HTT: variants seen among roughly 807,000 people sequenced by gnomAD.
HTT encodes the protein huntington disease protein.
Under a neutral mutation model 362.3 loss-of-function variants are expected in HTT, and 104 were observed. That is an observed-to-expected ratio of 0.29 (90% CI 0.24 to 0.34). The LOEUF is 0.34. Ranked by LOEUF, HTT falls within the 10% of genes least tolerant of loss-of-function variation. The pLI is 1.00. For missense variants in HTT, 3,301 were observed against 3,928.6 expected, an observed-to-expected ratio of 0.84 and a Z score of 4.27; for synonymous variants, 1,577 against 1,548.7, an observed-to-expected ratio of 1.02 and a Z score of -0.43.
intron 6 of HTT, among the ~76,000 whole-genome samples, chr4:3,109,639 A>C (rs1714633181): frequency 6.6e-6 from 1 of 152,166 alleles, no homozygotes; most frequent in African/African-American, 2.4e-5. Flanking sequence ...ATTATGCCTA[A>C]GTAAATAGTC....
intron 2 of HTT, among the ~76,000 whole-genome samples, chr4:3,098,015 T>C (rs1243103912): frequency 3.9e-5 from 6 of 152,246 alleles, no homozygotes; most frequent in Admixed American, 2.0e-4. Context: ...AATAATACTT[T>C]GGGTGTATTG....
chr4:3,209,306 C>T (rs964557551), intron 46 of HTT, among the ~76,000 whole-genome samples: 7 of 152,324 alleles, frequency 4.6e-5, no homozygotes, highest in African/African-American at 1.7e-4. Flanking sequence ...ACCTCCACTG[C>T]TCATACCTCA....
rs985361137 is a variant in HTT, at chr4:3,241,654, C to G, written c.*1595C>G. 3 of 152,272 alleles carry G rather than the reference C, an allele frequency of 2.0e-5. No individual in the cohort carries two copies. Among genetic ancestry groups the G allele is most frequent in the Non-Finnish European group, 4.4e-5 (3 of 68,080 alleles). The allele number at this position is 152,272 out of a possible 1,614,324, so 9.4% of individuals were successfully genotyped here. On this transcript the variant is annotated 3_prime_UTR_variant, in exon 67 of 67. Coordinates refer to ENST00000355072, the MANE Select transcript of HTT (RefSeq NM_001388492.1). ...TGTTGGAACTCTGTGCAGGTGCTGC[C>G]TTGAGACCCCCAAGCTTCCACCTGT...
At position 3,115,056 on chromosome 4, in the gene HTT, G is replaced by A. The variant is rs574369704; in HGVS notation, c.748-248G>A. Among the ~76,000 whole-genome samples, 10 of 152,200 alleles carry A rather than the reference G, an allele frequency of 6.6e-5. No homozygotes were observed. The South Asian group carries it at 1.7e-3, about 25-fold the overall frequency. On this transcript the variant is annotated intron_variant, in intron 6 of 66. Coordinates refer to ENST00000355072, the MANE Select transcript of HTT (RefSeq NM_001388492.1). ...CTAGAATTGAGGCCTCCACCATTGC[G>A]GAGAGGACATGGATGCTGAGCAGTC...
At position 3,094,297 on chromosome 4, in the gene HTT, A is replaced by G. The variant is rs111276607; in HGVS notation, c.348-4977A>G. ...TTTTTCTTAGTACAGAACAAAATGG[A>G]GTGTCCTATGTCTACTTCTTTCTAC... On this transcript the variant is annotated intron_variant, in intron 2 of 66. Coordinates refer to ENST00000355072, the MANE Select transcript of HTT (RefSeq NM_001388492.1). Among the ~76,000 whole-genome samples the G allele has an allele frequency of 5.3e-4, 80 of 152,318 alleles. 2 individuals carry two copies. Among genetic ancestry groups the G allele is most frequent in the Middle Eastern group, 3.4e-3 (1 of 294 alleles).
In HTT at chr4:3,217,960, T is replaced by A; in HGVS notation, c.7242+8T>A. The stretch of plus-strand genomic sequence containing the variant: ...ACACGTGTGCCCCCACTGGTGAGTC[T>A]GCTCGTTCCTTGCAGAAGACCAAGT... On this transcript the variant is annotated splice_region_variant and intron_variant, in intron 52 of 66. Transcript: ENST00000355072. 1 of 1,597,818 alleles carries A rather than the reference T, an allele frequency of 6.3e-7. No homozygotes were observed. The highest frequency in any genetic ancestry group is 8.5e-7 in the Non-Finnish European group (1 of 1,172,384).
intron 41 of HTT, among the ~76,000 whole-genome samples, chr4:3,203,688 A>G (rs1381539789): frequency 5.3e-5 from 8 of 152,248 alleles, no homozygotes; most frequent in Non-Finnish European, 7.3e-5. Flanking sequence ...TTGCTCAATT[A>G]TCAAACATAG....
chr4:3,216,413 G>A (rs1339800616), intron 51 of HTT, among the ~76,000 whole-genome samples: 10 of 152,226 alleles, frequency 6.6e-5, no homozygotes, highest in Non-Finnish European at 1.5e-4. Context: ...CTGTGCTTCT[G>A]TGGTGAGGAT....
intron 37 of HTT, among the ~76,000 whole-genome samples, chr4:3,184,908 G>A (rs1032205214): frequency 1.3e-5 from 2 of 152,182 alleles, no homozygotes; most frequent in Non-Finnish European, 2.9e-5. Context: ...GGCAGGGGGA[G>A]TAGGCAGGTG....
At position 3,188,957 on chromosome 4, in the gene HTT, A is replaced by T; in HGVS notation, c.5232A>T (p.Leu1744=). ...CTTTTTTGTTTCTTGGAAGGTTTCT[A>T]TTACAACTGGTTGGTATTCTTTTAG... ...NLPEETFSRF[L]LQLVGILLED... The change falls in exon 40 of 67, where the codon CTA becomes CTT. Residue 1744 remains leucine (L), a synonymous_variant. Coordinates refer to ENST00000355072, the MANE Select transcript of HTT (RefSeq NM_001388492.1). 1 of 1,614,050 alleles carries T rather than the reference A, an allele frequency of 6.2e-7. No individual in the cohort carries two copies. The highest frequency in any genetic ancestry group is 8.5e-7 in the Non-Finnish European group (1 of 1,179,946).
intron 33 of HTT, among the ~76,000 whole-genome samples, chr4:3,176,005 T>C (rs1220620179): frequency 1.3e-5 from 2 of 151,548 alleles, no homozygotes; most frequent in African/African-American, 4.9e-5. Context: ...ATCTGCTTGT[T>C]TTTTTTGTTG....
chr4:3,242,045 T>G lies in HTT; in HGVS notation c.*1986T>G, dbSNP rs895774174. 3 of 152,088 alleles carry G rather than the reference T, an allele frequency of 2.0e-5. No individual in the cohort carries two copies. Among genetic ancestry groups the G allele is most frequent in the Admixed American group, 1.3e-4 (2 of 15,264 alleles). 9.4% of individuals were successfully genotyped at this position (152,088 alleles called of 1,614,324 possible). A position where few individuals can be genotyped will look rare whatever the true frequency, so the allele number is the denominator to read the frequency against. On this transcript the variant is annotated 3_prime_UTR_variant, in exon 67 of 67. Transcript: ENST00000355072. ...ACGAGGGGAAAGTTCTCAGAACTGT[T>G]GGCTGCTCCCCACCCGCCTCCCGCC...
intron 6 of HTT, among the ~76,000 whole-genome samples, chr4:3,112,579 G>A (rs147615619): frequency 9.9e-4 from 151 of 152,240 alleles, no homozygotes; most frequent in Middle Eastern, 6.8e-3. Context: ...CTATATTATC[G>A]TGTGTATTAG....
intron 22 of HTT, 67 bp downstream of exon 22, chr4:3,140,723 C>T: frequency 2.1e-6 from 3 of 1,446,850 alleles, no homozygotes; most frequent in South Asian, 1.2e-5. Flanking sequence ...TTTCTTTAGG[C>T]TTTAATTGAA....
At chr4:3,159,406 G>A (rs1717328093) in intron 28 of HTT, among the ~76,000 whole-genome samples, 1 of 152,140 alleles carries the variant, frequency 6.6e-6, no homozygotes, top group Admixed American at 6.6e-5. Context: ...TGTGCATATT[G>A]GAGGAGAACC....
rs761902548 is a variant in HTT at position 3,131,771 on chromosome 4, C to T, written c.2232C>T (p.Tyr744=). 6.8e-6 allele frequency: 11 copies of T among 1,611,412 alleles called. No individual in the cohort carries two copies. The African/African-American group carries it at 1.2e-4, about 18-fold the overall frequency. ...LYKVPLDTTE[Y]PEEQYVSDIL... is the part of the protein sequence containing the mutation. ...AAGTTCCTCTTGACACCACGGAATA[C>T]CCTGGTATGTTAAAAGTTCACATCT... The change falls in exon 16 of 67, where the codon TAC becomes TAT. Residue 744 remains tyrosine, a synonymous_variant. Transcript: ENST00000355072.
At chr4:3,214,918 CAT>C (rs1720326737) in intron 50 of HTT, among the ~76,000 whole-genome samples, 190 bp from the exon 51 acceptor site, 1 of 152,200 alleles carries the variant, frequency 6.6e-6, no homozygotes, top group African/African-American at 2.4e-5. Flanking sequence ...AATCTTCAGA[CAT>C]ATACCACTAA....
chr4:3,172,965 A>C lies in HTT; in HGVS notation c.4000A>C (p.Asn1334His), dbSNP rs1718061313. 3 of 1,614,178 alleles carry C rather than the reference A, an allele frequency of 1.9e-6. No individual in the cohort carries two copies. The highest frequency in any genetic ancestry group is 4.5e-5 in the East Asian group (2 of 44,874). ...LASQFDGLSS[N>H]PSKSQGRAQR... ...CTCCCAGTTTGATGGCTTATCTTCC[A>C]ACCCCAGCAAGTCACAAGGCCGAGC... is the stretch of plus-strand genomic sequence containing the variant. Residue 1334 changes from asparagine to histidine, a missense_variant, in exon 31 of 67, where the codon AAC (asparagine) becomes CAC (histidine). By Grantham distance (68) the Asn-to-His change is moderately conservative (BLOSUM62 1). Transcript: ENST00000355072.
intron 22 of HTT, 59 bp from the exon 23 acceptor site, chr4:3,142,707 G>T (rs1391824773): frequency 2.2e-6 from 2 of 891,810 alleles, no homozygotes; most frequent in Non-Finnish European, 3.3e-6. Flanking sequence ...AATGCCATTT[G>T]ATCTTTAAAA....
Sources: allele counts gnomAD v4.1 joint callset (sites outside exome capture counted in the v4.1 genomes callset), GRCh38; gene constraint gnomAD v4.1.1; transcripts MANE v1.5; gene names NCBI Gene and HGNC (gene_info 2026-07-23, HGNC 2026-07-21).